METTL25: variants seen among roughly 807,000 people sequenced by gnomAD.
METTL25 encodes probable methyltransferase-like protein 25.
In METTL25, 64 loss-of-function variants were observed where a neutral mutation model predicts 71.6. The ratio of observed to expected loss-of-function variants is 0.89; its 90% CI spans 0.73 to 1.10. The LOEUF (loss-of-function observed/expected upper bound fraction) is 1.10, where lower values mean the gene tolerates loss of function less well. Ranked by LOEUF, METTL25 falls within the 50% of genes least tolerant of loss-of-function variation. The pLI is 0.00. For synonymous variants in METTL25, 287 were observed against 250.3 expected (o/e 1.15, Z -1.38); for missense variants, 807 against 707.0 (o/e 1.14, Z -1.60).
intron 1 of METTL25, among the ~76,000 whole-genome samples, chr12:82,363,857 A>G (rs971771389): frequency 6.6e-6 from 1 of 152,210 alleles, no homozygotes; most frequent in Non-Finnish European, 1.5e-5. Context: ...TAGGAAAAAA[A>G]GAGTAAGTCA....
chr12:82,434,233 A>AT (rs1025531878), intron 6 of METTL25, among the ~76,000 whole-genome samples: 190 of 151,288 alleles, frequency 1.3e-3, no homozygotes, highest in African/African-American at 4.4e-3. Context: ...TATAATCTGG[A>AT]TTTTTTTTGT....
chr12:82,428,776 GT>G (rs10715834), intron 5 of METTL25, among the ~76,000 whole-genome samples: 139,606 of 151,790 alleles, frequency 0.92, 64,577 homozygotes, highest in East Asian at 1. Flanking sequence ...TCTGTGCTCA[GT>G]TTCCCTATCT....
In METTL25 at chr12:82,453,140, G is replaced by A. The variant is rs1043086307; in HGVS notation, c.1479-3587G>A. On this transcript the variant is annotated intron_variant, in intron 8 of 11. Transcript: ENST00000248306. ...AATAAGTCTAGCAATAAATGACTTG[G>A]GAAGAACAAATCCCTTCCTATGAAG... 1.8e-4 allele frequency among the ~76,000 whole-genome samples: 27 copies of A among 152,188 alleles called. 1 individual carries two copies. Among genetic ancestry groups the A allele is most frequent in the Admixed American group, 6.5e-4 (10 of 15,274 alleles).
rs547787208 is a variant in METTL25, at chr12:82,425,620, ATG to A, written c.1280-5265_1280-5264del. The stretch of plus-strand genomic sequence containing the variant: ...ACAAGAGCTGCTGCTGACATGGTTA[ATG>A]TGTGTGTTTTAGAAAGATAATATTG... On this transcript the variant is annotated intron_variant, in intron 5 of 11. Coordinates refer to ENST00000248306, the MANE Select transcript of METTL25 (RefSeq NM_032230.3). Among the ~76,000 whole-genome samples, 18 of 152,182 alleles carry A rather than the reference ATG, an allele frequency of 1.2e-4. No homozygotes were observed. The East Asian group carries it at 1.5e-3, about 13-fold the overall frequency.
chr12:82,450,274 G>T (rs961633269), intron 8 of METTL25, among the ~76,000 whole-genome samples: 1 of 152,030 alleles, frequency 6.6e-6, no homozygotes, highest in Non-Finnish European at 1.5e-5. Context: ...AAATTCACCT[G>T]TTAATGACAA....
intron 5 of METTL25, among the ~76,000 whole-genome samples, chr12:82,409,096 A>C (rs1422591173): frequency 6.6e-6 from 1 of 152,104 alleles, no homozygotes; most frequent in African/African-American, 2.4e-5. Context: ...TATGTAAACA[A>C]TATATGTTTT....
intron 9 of METTL25, among the ~76,000 whole-genome samples, chr12:82,468,117 T>G (rs1345237838): frequency 6.6e-6 from 1 of 152,104 alleles, no homozygotes; most frequent in Non-Finnish European, 1.5e-5. Context: ...TAACCTAGTG[T>G]GTCAACTAAA....
At chr12:82,454,463 T>G (rs1241924518) in intron 8 of METTL25, among the ~76,000 whole-genome samples, 1 of 152,094 alleles carries the variant, frequency 6.6e-6, no homozygotes, top group Non-Finnish European at 1.5e-5. Context: ...ATCAACTTTC[T>G]AGTTCTAGTT....
At chr12:82,416,686 C>T (rs1484670510) in intron 5 of METTL25, among the ~76,000 whole-genome samples, 1 of 151,936 alleles carries the variant, frequency 6.6e-6, no homozygotes, top group Non-Finnish European at 1.5e-5. Context: ...TTATGCTGGT[C>T]TTGAACTCAT....
intron 9 of METTL25, among the ~76,000 whole-genome samples, chr12:82,466,091 T>A (rs1224852194): frequency 2.0e-5 from 3 of 151,704 alleles, no homozygotes. Flanking sequence ...CAGTTGCATT[T>A]ATTTCTGCTC....
At chr12:82,477,231 C>T in intron 10 of METTL25, 50 bp from the exon 11 acceptor site, 1 of 725,348 alleles carries the variant, frequency 1.4e-6, no homozygotes, top group Non-Finnish European at 2.2e-6. Flanking sequence ...ATAAGCTAGT[C>T]TTTTTTTTTT....
At chr12:82,399,727 G>A (rs1886414270) in intron 4 of METTL25, among the ~76,000 whole-genome samples, 1 of 152,076 alleles carries the variant, frequency 6.6e-6, no homozygotes, top group South Asian at 2.1e-4. Flanking sequence ...TTGAAGTAAA[G>A]GGATATCTAG....
chr12:82,411,163 C>G (rs1474670935), intron 5 of METTL25, among the ~76,000 whole-genome samples: 1 of 151,954 alleles, frequency 6.6e-6, no homozygotes, highest in African/African-American at 2.4e-5. Context: ...ATAATGGAAA[C>G]ACTGAAGCTA....
At chr12:82,470,986 G>C (rs1892537725) in intron 9 of METTL25, among the ~76,000 whole-genome samples, 2 of 152,132 alleles carry the variant, frequency 1.3e-5, no homozygotes. Flanking sequence ...CCATCATAAT[G>C]GTCTAGGAGG....
At position 82,368,167 on chromosome 12, in the gene METTL25, A is replaced by T. The variant is rs60658456; in HGVS notation, c.259+9343A>T. Reference sequence around the variant, plus strand: ...ATCTCTAACTCTGATTAGCTGTGTTATCTTGCACAGGGCATTTAACTGTAG... The same window carrying T: ...ATCTCTAACTCTGATTAGCTGTGTTTTCTTGCACAGGGCATTTAACTGTAG... On this transcript the variant is annotated intron_variant, in intron 1 of 11. Transcript: ENST00000248306. 2.9e-3 allele frequency among the ~76,000 whole-genome samples: 448 copies of T among 152,164 alleles called. 3 individuals are homozygous for T. Among genetic ancestry groups the T allele is most frequent in the African/African-American group, 0.01 (422 of 41,502 alleles).
chr12:82,419,454 G>A (rs1565848546), intron 5 of METTL25, among the ~76,000 whole-genome samples: 1 of 152,094 alleles, frequency 6.6e-6, no homozygotes, highest in Non-Finnish European at 1.5e-5. Context: ...TTTCATCAAT[G>A]CTATGTCTGA....
intron 3 of METTL25, among the ~76,000 whole-genome samples, chr12:82,394,927 T>TG (rs1252383131): frequency 6.6e-6 from 1 of 151,788 alleles, no homozygotes; most frequent in Non-Finnish European, 1.5e-5. Flanking sequence ...GCCCTGAACA[T>TG]GCATACTTTG....
intron 9 of METTL25, among the ~76,000 whole-genome samples, chr12:82,459,599 C>T (rs1438794135): frequency 6.6e-6 from 1 of 152,048 alleles, no homozygotes; most frequent in African/African-American, 2.4e-5. Context: ...TGCACTTCAG[C>T]CTGGATGACA....
At chr12:82,370,236 C>T (rs1206017960) in intron 1 of METTL25, among the ~76,000 whole-genome samples, 1 of 152,130 alleles carries the variant, frequency 6.6e-6, no homozygotes, top group East Asian at 1.9e-4. Context: ...GTTTGTTGAG[C>T]TCATTTGGGG....
Sources: allele counts gnomAD v4.1 joint callset (sites outside exome capture counted in the v4.1 genomes callset), GRCh38; gene constraint gnomAD v4.1.1; transcripts MANE v1.5; gene names NCBI Gene and HGNC (gene_info 2026-07-23, HGNC 2026-07-21).